The following MALRD1 variants were observed in gnomAD, a reference collection of about 807,000 sequenced individuals.
MALRD1 encodes MAM and LDL-receptor class A domain-containing protein 1.
MALRD1 carries 247 observed loss-of-function variants against 242.1 expected under a neutral mutation model. The observed-to-expected ratio is 1.02, with a 90% CI of 0.92 to 1.13. MALRD1 has a LOEUF of 1.13. Among genes scored for constraint, MALRD1 ranks in the 50% most tolerant of loss-of-function variants. The pLI is 0.00. For synonymous variants in MALRD1, 995 were observed against 866.6 expected (o/e 1.15, Z -2.60); for missense variants, 2,989 against 2,533.1 (o/e 1.18, Z -3.86).
At chr10:19,407,578 A>G (rs1398938943) in intron 28 of MALRD1, among the ~76,000 whole-genome samples, 1 of 152,244 alleles carries the variant, frequency 6.6e-6, no homozygotes, top group African/African-American at 2.4e-5. Context: ...CACACCTAAG[A>G]GGAAATAGAA....
At chr10:19,693,233 G>T (rs1833192757) in intron 38 of MALRD1, among the ~76,000 whole-genome samples, 1 of 151,734 alleles carries the variant, frequency 6.6e-6, no homozygotes, top group Admixed American at 6.6e-5. Context: ...AGGGCAATCA[G>T]GCAGGAGAAA....
At chr10:19,475,660 A>C (rs1394709302) in intron 29 of MALRD1, among the ~76,000 whole-genome samples, 1 of 152,198 alleles carries the variant, frequency 6.6e-6, no homozygotes, top group Admixed American at 6.5e-5. Context: ...GTCAAAGACA[A>C]TATTAGGCTG....
At chr10:19,227,067 A>T (rs1362198050) in intron 18 of MALRD1, among the ~76,000 whole-genome samples, 1 of 152,060 alleles carries the variant, frequency 6.6e-6, no homozygotes, top group Non-Finnish European at 1.5e-5. Flanking sequence ...TTATTAGATG[A>T]TAATTCCCCT....
intron 36 of MALRD1, among the ~76,000 whole-genome samples, chr10:19,641,217 G>A (rs1238126155): frequency 1.3e-5 from 2 of 152,224 alleles, no homozygotes; most frequent in East Asian, 3.9e-4. Flanking sequence ...ACATTCTAGA[G>A]TTAGCATTGA....
Position 19,533,264 on chromosome 10 carries a change from C to G in MALRD1, c.5478+1913C>G, listed in dbSNP as rs560409153. ...CTTTGAAATAGAAATAGTGACCTCA[C>G]GTCTTGATTTCTGATACCTGACTTT... On this transcript the variant is annotated intron_variant, in intron 32 of 39. Transcript: ENST00000454679. Among the ~76,000 whole-genome samples, 5 of 152,298 alleles carry G rather than the reference C, an allele frequency of 3.3e-5. No individual in the cohort carries two copies. In the East Asian group the frequency reaches 9.7e-4, roughly 29 times the overall value.
At chr10:19,673,939 G>A (rs1020955439) in intron 36 of MALRD1, among the ~76,000 whole-genome samples, 3 of 152,122 alleles carry the variant, frequency 2.0e-5, no homozygotes, top group Non-Finnish European at 4.4e-5. Context: ...CTGGGTGCAT[G>A]TGTGTGTGCA....
chr10:19,472,373 G>A (rs989597012), intron 29 of MALRD1, among the ~76,000 whole-genome samples: 1 of 151,920 alleles, frequency 6.6e-6, no homozygotes, highest in Non-Finnish European at 1.5e-5. Flanking sequence ...TTCTTGTAGT[G>A]TTTTTGTCTG....
At chr10:19,617,709 C>T (rs190644693) in intron 36 of MALRD1, among the ~76,000 whole-genome samples, 22 of 152,014 alleles carry the variant, frequency 1.4e-4, no homozygotes, top group African/African-American at 5.3e-4. Context: ...TTTACACAAG[C>T]ACACATACAC....
intron 31 of MALRD1, among the ~76,000 whole-genome samples, chr10:19,522,121 A>G (rs936562945): frequency 1.3e-5 from 2 of 151,830 alleles, no homozygotes; most frequent in African/African-American, 4.9e-5. Flanking sequence ...TGGTCCGCCA[A>G]ATAATCAGAG....
In MALRD1 at chr10:19,366,149, A is replaced by T. The variant is rs568521413; in HGVS notation, c.4441+13852A>T. 8.6e-5 allele frequency among the ~76,000 whole-genome samples: 13 copies of T among 151,998 alleles called. No individual in the cohort carries two copies. The South Asian group carries it at 2.3e-3, about 27-fold the overall frequency. On this transcript the variant is annotated intron_variant, in intron 26 of 39. Transcript: ENST00000454679. ...TTTCTATTATTATTACTACACTGTA[A>T]TATGTAATGAAATAAACATGCAACT...
chr10:19,441,049 G>A (rs989736022), intron 28 of MALRD1, among the ~76,000 whole-genome samples: 3 of 152,130 alleles, frequency 2.0e-5, no homozygotes, highest in Admixed American at 6.6e-5. Context: ...ACTGGTGTGA[G>A]ATGGTATCCC....
intron 32 of MALRD1, among the ~76,000 whole-genome samples, chr10:19,559,854 GA>G: frequency 6.6e-6 from 1 of 152,234 alleles, no homozygotes; most frequent in African/African-American, 2.4e-5. Context: ...CTTCTGAAAA[GA>G]AGACATTTAT....
intron 31 of MALRD1, among the ~76,000 whole-genome samples, chr10:19,525,048 G>T (rs1429105196): frequency 2.6e-5 from 4 of 151,592 alleles, no homozygotes; most frequent in Non-Finnish European, 2.9e-5. Flanking sequence ...GGGATTACAG[G>T]CATGTACCAC....
intron 36 of MALRD1, among the ~76,000 whole-genome samples, chr10:19,618,438 CA>C (rs1839264149): frequency 6.6e-6 from 1 of 152,048 alleles, no homozygotes; most frequent in African/African-American, 2.4e-5. Flanking sequence ...AAGTAATTTA[CA>C]CTTTCACCAA....
At chr10:19,443,164 A>T (rs1189616580) in intron 28 of MALRD1, among the ~76,000 whole-genome samples, 1 of 152,066 alleles carries the variant, frequency 6.6e-6, no homozygotes. Flanking sequence ...CGGTGGTGAT[A>T]TCCCCTTTAT....
intron 31 of MALRD1, among the ~76,000 whole-genome samples, chr10:19,530,422 AATATATAAT>A (rs1315777080): frequency 0.031 from 783 of 25,212 alleles, 31 homozygotes; most frequent in African/African-American, 0.087. Flanking sequence ...TATAATAATA[AATATATAAT>A]ATATATAATA....
chr10:19,224,192 C>T (rs993286672), intron 18 of MALRD1, among the ~76,000 whole-genome samples: 4 of 152,110 alleles, frequency 2.6e-5, no homozygotes, highest in Non-Finnish European at 5.9e-5. Flanking sequence ...TATTTCTCCA[C>T]ATCCTCTCTA....
In MALRD1 at chr10:19,344,422, TTTAA is replaced by T. The variant is rs370965039; in HGVS notation, c.3902-3346_3902-3343del. On this transcript the variant is annotated intron_variant, in intron 24 of 39. Coordinates refer to ENST00000454679, the MANE Select transcript of MALRD1 (RefSeq NM_001142308.3). ...CATTGACAAGACTGTCCTACTTTTA[TTTAA>T]TTGTTTTTGTACCTTTGTCAAAAAT... Among the ~76,000 whole-genome samples the T allele has an allele frequency of 2.9e-3, 447 of 152,124 alleles. 2 individuals are homozygous for T. The highest frequency in any genetic ancestry group is 1.0e-2 in the African/African-American group (415 of 41,554).
rs376950780 is a variant in MALRD1 at position 19,173,340 on chromosome 10, T to A, written c.1831-1868T>A. 4.6e-5 allele frequency among the ~76,000 whole-genome samples: 7 copies of A among 152,296 alleles called. No individual in the cohort carries two copies. The East Asian group carries it at 7.7e-4, about 17-fold the overall frequency. ...TTTTAACTGGTATAGTATTTCTCAC[T>A]ATTGATTGATTCATTCACATGTAAG... On this transcript the variant is annotated intron_variant, in intron 13 of 39. Coordinates refer to ENST00000454679, the MANE Select transcript of MALRD1 (RefSeq NM_001142308.3).
Sources: gnomAD v4.1 joint callset for allele counts (sites outside exome capture counted in the v4.1 genomes callset) on GRCh38, gnomAD v4.1.1 for gene constraint, MANE v1.5 for transcripts, NCBI Gene and HGNC (gene_info 2026-07-23, HGNC 2026-07-21) for gene names.